Variants in ASCC3 observed in about 807,000 individuals in gnomAD.
ASCC3 encodes ASC-1 complex subunit P200.
In ASCC3, 158 loss-of-function variants were observed where a neutral mutation model predicts 256.3. The observed-to-expected ratio is 0.62, with a 90% CI of 0.54 to 0.70. The LOEUF is 0.70. ASCC3 is among the 30% of genes least tolerant of loss of function. The pLI, the probability that ASCC3 is intolerant of heterozygous loss-of-function variation, is 0.00. For synonymous variants in ASCC3, 948 were observed against 883.4 expected, an observed-to-expected ratio of 1.07 and a Z score of -1.30; for missense variants, 2,259 against 2,626.0, an observed-to-expected ratio of 0.86 and a Z score of 3.05.
At chr6:100,880,496 G>C (rs181910756) in intron 1 of ASCC3, among the ~76,000 whole-genome samples, 6 of 152,178 alleles carry the variant, frequency 3.9e-5, no homozygotes, top group South Asian at 2.1e-4. Context: ...CCATGAGTAA[G>C]TTAATTTATA....
intron 37 of ASCC3, among the ~76,000 whole-genome samples, chr6:100,519,214 A>G (rs1774181844): frequency 6.6e-6 from 1 of 152,126 alleles, no homozygotes; most frequent in Admixed American, 6.6e-5. Context: ...CATCTGGTTA[A>G]ACGAATCTAT....
chr6:100,615,001 A>AT lies in ASCC3; in HGVS notation c.4786-7914dup, dbSNP rs1169677657. On this transcript the variant is annotated intron_variant, in intron 30 of 41. Transcript: ENST00000369162. ...TTTGATATTTCAGCTACTAATTTTT[A>AT]TTTTTTTTTTCCTTTTCTTAAAAAA... Among the ~76,000 whole-genome samples, 1,348 of 148,836 alleles carry AT rather than the reference A, an allele frequency of 9.1e-3. 15 individuals are homozygous for AT. The highest frequency in any genetic ancestry group is 0.03 in the African/African-American group (1,215 of 40,568).
At chr6:100,517,381 G>C (rs240782) in intron 38 of ASCC3, among the ~76,000 whole-genome samples, 11,242 of 152,094 alleles carry the variant, frequency 0.074, 617 homozygotes, top group African/African-American at 0.15. Context: ...CTTAACTGGC[G>C]TGAAACACTG....
Position 100,541,379 on chromosome 6 carries a change from T to C in ASCC3, c.5551-992A>G, listed in dbSNP as rs74868172. Among the ~76,000 whole-genome samples, 993 of 151,956 alleles carry C rather than the reference T, an allele frequency of 6.5e-3. 26 individuals carry two copies. Among genetic ancestry groups the C allele is most frequent in the East Asian group, 0.054 (276 of 5,158 alleles). On this transcript the variant is annotated intron_variant, in intron 36 of 41. Coordinates refer to ENST00000369162, the MANE Select transcript of ASCC3 (RefSeq NM_006828.4). ...CTATGAAAGAGAATGATCTCTGATA[T>C]ATAGAAAACAAACTAGGTGACCCTT... is the stretch of plus-strand genomic sequence containing the variant.
At chr6:100,728,230 A>G (rs1779729603) in intron 10 of ASCC3, among the ~76,000 whole-genome samples, 1 of 152,046 alleles carries the variant, frequency 6.6e-6, no homozygotes, top group Non-Finnish European at 1.5e-5. Flanking sequence ...AAAAAAACAC[A>G]AAAAAGAAGG....
At chr6:100,585,806 C>A (rs1582502138) in intron 36 of ASCC3, among the ~76,000 whole-genome samples, 1 of 152,172 alleles carries the variant, frequency 6.6e-6, no homozygotes, top group African/African-American at 2.4e-5. Flanking sequence ...ACAGACAGGA[C>A]CCTCAGCTGC....
At chr6:100,770,502 GAA>G (rs11337645) in intron 8 of ASCC3, among the ~76,000 whole-genome samples, 2 of 146,140 alleles carry the variant, frequency 1.4e-5, no homozygotes, top group African/African-American at 5.0e-5. Context: ...AGGGGAAAAA[GAA>G]AAAAAAAAGA....
chr6:100,710,673 T>G (rs1037772317), intron 13 of ASCC3, among the ~76,000 whole-genome samples: 17 of 152,252 alleles, frequency 1.1e-4, no homozygotes, highest in Admixed American at 8.5e-4. Context: ...ACAGAAGAGA[T>G]AGAGAGGAAA....
At position 100,639,987 on chromosome 6, in the gene ASCC3, C is replaced by T. The variant is rs187536937; in HGVS notation, c.3902-1166G>A. Among the ~76,000 whole-genome samples the T allele has an allele frequency of 7.2e-5, 11 of 152,036 alleles. No homozygotes were observed. The East Asian group carries it at 1.4e-3, about 19-fold the overall frequency. On this transcript the variant is annotated intron_variant, in intron 24 of 41. Coordinates refer to ENST00000369162, the MANE Select transcript of ASCC3 (RefSeq NM_006828.4). ...AAAATTAACTGGGCGTGGTGGTGGGCGCCTGTAATCCCAGCTACTCGGGAG... is the reference window on the plus strand; with the variant it reads ...AAAATTAACTGGGCGTGGTGGTGGGTGCCTGTAATCCCAGCTACTCGGGAG...
Position 100,706,270 on chromosome 6 carries a change from T to A in ASCC3, c.2151+9192A>T, listed in dbSNP as rs372385340. On this transcript the variant is annotated intron_variant, in intron 13 of 41. Transcript: ENST00000369162. Reference sequence around the variant, plus strand: ...ACAAATCACCTACTTAAAGTTATAATTTAAAACCTTATACAAAGACAGCTA... The same window carrying A: ...ACAAATCACCTACTTAAAGTTATAAATTAAAACCTTATACAAAGACAGCTA... Among the ~76,000 whole-genome samples, 34 of 151,584 alleles carry A rather than the reference T, an allele frequency of 2.2e-4. 3 individuals carry two copies. Among genetic ancestry groups the A allele is most frequent in the East Asian group, 1.9e-3 (10 of 5,130 alleles).
chr6:100,650,780 T>A, intron 19 of ASCC3, 66 bp from the exon 20 acceptor site: 1 of 1,225,088 alleles, frequency 8.2e-7, no homozygotes, highest in Non-Finnish European at 1.2e-6. Flanking sequence ...ACATTGAAAT[T>A]AAATACATTG....
intron 8 of ASCC3, among the ~76,000 whole-genome samples, chr6:100,795,253 G>C (rs767302121): frequency 6.6e-6 from 1 of 151,950 alleles, no homozygotes; most frequent in African/African-American, 2.4e-5. Context: ...CATGTTTGCT[G>C]CTTCTGCTGT....
intron 3 of ASCC3, chr6:100,856,904 T>C (rs1772972985): frequency 6.6e-6 from 1 of 152,160 alleles, no homozygotes; most frequent in Non-Finnish European, 1.5e-5. Flanking sequence ...TGAATGCACC[T>C]ATTTTTGATA....
At chr6:100,804,766 G>C (rs1770086338) in intron 5 of ASCC3, among the ~76,000 whole-genome samples, 1 of 152,144 alleles carries the variant, frequency 6.6e-6, no homozygotes, top group Non-Finnish European at 1.5e-5. Flanking sequence ...TGTTGGCTCA[G>C]CCGCAGAAAA....
intron 25 of ASCC3, among the ~76,000 whole-genome samples, chr6:100,632,628 C>T (rs1774614763): frequency 6.6e-6 from 1 of 152,042 alleles, no homozygotes; most frequent in South Asian, 2.1e-4. Flanking sequence ...TAAAAAGAGG[C>T]ACACAGACCA....
chr6:100,782,908 A>G (rs1026326055), intron 8 of ASCC3, among the ~76,000 whole-genome samples: 5 of 152,118 alleles, frequency 3.3e-5, no homozygotes, highest in Non-Finnish European at 7.4e-5. Flanking sequence ...ACTGCTTATT[A>G]ATGAAAGAAG....
intron 13 of ASCC3, among the ~76,000 whole-genome samples, chr6:100,704,839 G>A (rs1778508903): frequency 6.6e-6 from 1 of 151,922 alleles, no homozygotes; most frequent in African/African-American, 2.4e-5. Flanking sequence ...TGACAATATG[G>A]AAAAGAACCT....
chr6:100,702,769 T>G (rs964501362), intron 13 of ASCC3, among the ~76,000 whole-genome samples: 3 of 152,182 alleles, frequency 2.0e-5, no homozygotes, highest in Admixed American at 2.0e-4. Context: ...AACCTCCACC[T>G]AATCTATTGA....
At chr6:100,549,442 G>A (rs907393470) in intron 36 of ASCC3, among the ~76,000 whole-genome samples, 1 of 151,878 alleles carries the variant, frequency 6.6e-6, no homozygotes, top group African/African-American at 2.4e-5. Context: ...ATTTAACCCT[G>A]TGTGTCACCT....
Sources: gnomAD v4.1 joint callset for allele counts (sites outside exome capture counted in the v4.1 genomes callset) on GRCh38, gnomAD v4.1.1 for gene constraint, MANE v1.5 for transcripts, NCBI Gene and HGNC (gene_info 2026-07-23, HGNC 2026-07-21) for gene names.